The following SAMMSON variants were observed in gnomAD, a reference collection of about 807,000 sequenced individuals.
SAMMSON encodes the protein survival associated mitochondrial melanoma specific oncogenic non-coding RNA.
intron 6 of SAMMSON, among the ~76,000 whole-genome samples, chr3:70,282,186 C>A (rs181666171): frequency 1.3e-5 from 2 of 152,136 alleles, no homozygotes; most frequent in African/African-American, 4.8e-5. Flanking sequence ...ATGCAGTAAT[C>A]AAAAAACCCT....
intron 4 of SAMMSON, among the ~76,000 whole-genome samples, chr3:70,138,916 C>T (rs1196213438): frequency 1.3e-5 from 2 of 152,168 alleles, no homozygotes; most frequent in South Asian, 2.1e-4. Flanking sequence ...GAGTCTCACA[C>T]TGTCACCCAG....
chr3:70,271,352 C>T (rs928438315), intron 6 of SAMMSON, among the ~76,000 whole-genome samples: 1 of 152,142 alleles, frequency 6.6e-6, no homozygotes, highest in African/African-American at 2.4e-5. Context: ...TGTGGCTACT[C>T]ACCTCCATTG....
chr3:70,019,291 G>C (rs1407865624), intron 3 of SAMMSON, among the ~76,000 whole-genome samples: 3 of 152,158 alleles, frequency 2.0e-5, no homozygotes, highest in Non-Finnish European at 4.4e-5. Context: ...TTATATTTAG[G>C]ATAGTTAGCT....
intron 4 of SAMMSON, among the ~76,000 whole-genome samples, chr3:70,119,644 T>G (rs2067424876): frequency 6.6e-6 from 1 of 152,158 alleles, no homozygotes; most frequent in African/African-American, 2.4e-5. Flanking sequence ...AGCTTCAATT[T>G]TATATGTAAT....
intron 2 of SAMMSON, among the ~76,000 whole-genome samples, chr3:70,399,257 T>A (rs1701118866): frequency 6.6e-6 from 1 of 152,166 alleles, no homozygotes; most frequent in African/African-American, 2.4e-5. Flanking sequence ...GTGGGCAAAT[T>A]CCAGTTGTAT....
intron 3 of SAMMSON, chr3:70,068,164 T>G (rs533881699): frequency 1.3e-5 from 2 of 152,146 alleles, no homozygotes; most frequent in South Asian, 4.2e-4. Flanking sequence ...CCAATAGTCT[T>G]AAAACCAACA....
chr3:70,118,755 C>T (rs981903190), intron 4 of SAMMSON, among the ~76,000 whole-genome samples: 41 of 152,190 alleles, frequency 2.7e-4, no homozygotes, highest in African/African-American at 9.4e-4. Flanking sequence ...AGTTAAACAA[C>T]CTTTGTGAGG....
intron 4 of SAMMSON, among the ~76,000 whole-genome samples, chr3:70,115,953 A>G (rs1285539629): frequency 6.6e-6 from 1 of 152,098 alleles, no homozygotes. Context: ...AGAACTTCCA[A>G]TTTATCTGTT....
chr3:70,184,270 C>T (rs1559529929), intron 4 of SAMMSON: 1 of 152,114 alleles, frequency 6.6e-6, no homozygotes, highest in East Asian at 1.9e-4. Context: ...CTGAATTTAA[C>T]ATATATAGAC....
intron 4 of SAMMSON, among the ~76,000 whole-genome samples, chr3:70,160,353 TCCTC>T (rs572911460): frequency 1.5e-4 from 23 of 151,518 alleles, no homozygotes; most frequent in East Asian, 3.9e-4. Flanking sequence ...TTCCTTCCCT[TCCTC>T]CCTCCCTCCC....
intron 3 of SAMMSON, among the ~76,000 whole-genome samples, chr3:70,041,055 G>T (rs1411436173): frequency 1.3e-5 from 2 of 152,090 alleles, no homozygotes; most frequent in African/African-American, 4.8e-5. Flanking sequence ...AAATTTGAAA[G>T]CAAATTATAA....
chr3:70,050,302 G>A (rs1042641693), intron 3 of SAMMSON, among the ~76,000 whole-genome samples: 3 of 152,054 alleles, frequency 2.0e-5, no homozygotes, highest in Non-Finnish European at 4.4e-5. Context: ...TCTGAAAAAC[G>A]CAATATAGTT....
At chr3:70,127,642 A>G (rs1187561035) in intron 4 of SAMMSON, 1 of 152,126 alleles carries the variant, frequency 6.6e-6, no homozygotes, top group Non-Finnish European at 1.5e-5. Context: ...CATGCCCCAC[A>G]TTTTGTTCTA....
At chr3:70,206,767 G>A (rs1701295156) in intron 4 of SAMMSON, 1 of 397,528 alleles carries the variant, frequency 2.5e-6, no homozygotes, top group African/African-American at 2.1e-5. Flanking sequence ...TCATCTGCAT[G>A]CTTTGCATTC....
chr3:70,159,058 C>T (rs1188590982), intron 4 of SAMMSON, among the ~76,000 whole-genome samples: 1 of 151,942 alleles, frequency 6.6e-6, no homozygotes, highest in Non-Finnish European at 1.5e-5. Context: ...TACATTAGGA[C>T]AAAAATTTAT....
intron 6 of SAMMSON, among the ~76,000 whole-genome samples, chr3:70,274,091 G>GTA (rs1701999484): frequency 8.4e-6 from 1 of 119,596 alleles, no homozygotes; most frequent in African/African-American, 3.1e-5. Flanking sequence ...GTGTGTGTGT[G>GTA]CGCGCGCGCA....
At position 70,347,613 on chromosome 3, in the gene SAMMSON, G is replaced by A. The variant is rs188903875; in HGVS notation, n.740-6562G>A. 2.0e-4 allele frequency among the ~76,000 whole-genome samples: 30 copies of A among 152,232 alleles called. No individual in the cohort carries two copies. In the East Asian group the frequency reaches 3.3e-3, roughly 17 times the overall value. On this transcript the variant is annotated intron_variant and non_coding_transcript_variant, in intron 7 of 9. Transcript: ENST00000642114. ...ATTCAACAAATATTTATGAATGCTC[G>A]TGATACCAAATATTGTTCTAGGTAC...
At chr3:70,129,180 T>TTA (rs1464496286) in intron 4 of SAMMSON, among the ~76,000 whole-genome samples, 21 of 152,210 alleles carry the variant, frequency 1.4e-4, no homozygotes, top group African/African-American at 4.6e-4. Flanking sequence ...CTTTTGTAAC[T>TTA]GATAAGCTTT....
chr3:70,136,516 T>A (rs1265598519), intron 4 of SAMMSON, among the ~76,000 whole-genome samples: 1 of 152,250 alleles, frequency 6.6e-6, no homozygotes, highest in Non-Finnish European at 1.5e-5. Context: ...ACAGCTTGTC[T>A]GTGCCTCTTG....
Sources: gnomAD v4.1 joint callset for allele counts (sites outside exome capture counted in the v4.1 genomes callset) on GRCh38, gnomAD v4.1.1 for gene constraint, MANE v1.5 for transcripts, NCBI Gene and HGNC (gene_info 2026-07-23, HGNC 2026-07-21) for gene names.